The following RPA3 variants were observed in gnomAD, a reference collection of about 807,000 sequenced individuals.
RPA3 encodes the protein replication protein A3.
In RPA3, 24 loss-of-function variants were observed where a neutral mutation model predicts 13.7. The ratio of observed to expected loss-of-function variants is 1.75; its 90% CI spans 1.27 to 2.46. The LOEUF (loss-of-function observed/expected upper bound fraction) is 2.46. RPA3 is among the 30% of genes most tolerant of loss of function. RPA3 has a pLI of 0.00. For missense variants in RPA3, 183 were observed against 151.0 expected, an observed-to-expected ratio of 1.21 and a Z score of -1.11; for synonymous variants, 59 against 51.2, an observed-to-expected ratio of 1.15 and a Z score of -0.65.
rs574433585 is a variant in RPA3, at chr7:7,687,161, A to C, written c.-927+67T>G. On this transcript the variant is annotated intron_variant, in intron 3 of 7. Transcript: ENST00000223129. ...GTAATACAGGTACTGAACTGGAAATAATAGTATTTGGATTCTATTTAAGTT... is the reference window on the plus strand; with the variant it reads ...GTAATACAGGTACTGAACTGGAAATCATAGTATTTGGATTCTATTTAAGTT... 2.0e-5 allele frequency: 3 copies of C among 152,334 alleles called. 1 individual carries two copies. Among genetic ancestry groups the C allele is most frequent in the South Asian group, 2.1e-4 (1 of 4,830 alleles). 9.4% of individuals were successfully genotyped at this position (152,334 alleles called of 1,614,324 possible). A position where few individuals can be genotyped will look rare whatever the true frequency, so the allele number is the denominator to read the frequency against.
rs79552957 is a variant in RPA3, at chr7:7,655,010, C to G, written c.-757-13835G>C. 5.3e-3 allele frequency among the ~76,000 whole-genome samples: 802 copies of G among 151,900 alleles called. 3 individuals carry two copies. Among genetic ancestry groups the G allele is most frequent in the Admixed American group, 7.4e-3 (113 of 15,242 alleles). On this transcript the variant is annotated intron_variant, in intron 4 of 7. Coordinates refer to ENST00000223129, the MANE Select transcript of RPA3 (RefSeq NM_002947.5). ...TGCAGGACCTATGGATCTGGTGGGC[C>G]CACTCTATTCTAGAAAATTAGTAAT... is the stretch of plus-strand genomic sequence containing the variant.
At chr7:7,713,644 G>C (rs1000828973) in intron 2 of RPA3, among the ~76,000 whole-genome samples, 7 of 151,504 alleles carry the variant, frequency 4.6e-5, no homozygotes, top group African/African-American at 1.7e-4. Flanking sequence ...TATTTTGTTA[G>C]TTTCATTTTG....
chr7:7,654,826 CCTGGAGG>C (rs1785303963), intron 4 of RPA3, among the ~76,000 whole-genome samples: 1 of 151,506 alleles, frequency 6.6e-6, no homozygotes, highest in East Asian at 1.9e-4. Flanking sequence ...ATCGCTTGAA[CCTGGAGG>C]CAGAGATTGC....
intron 4 of RPA3, among the ~76,000 whole-genome samples, chr7:7,654,014 G>A (rs540402843): frequency 3.3e-5 from 5 of 152,318 alleles, no homozygotes; most frequent in Non-Finnish European, 5.9e-5. Flanking sequence ...ATTGAGGGGA[G>A]ACTTTATTAT....
intron 3 of RPA3, among the ~76,000 whole-genome samples, 160 bp from the exon 4 acceptor site, chr7:7,686,158 T>C (rs958349154): frequency 2.6e-5 from 4 of 152,192 alleles, no homozygotes; most frequent in African/African-American, 9.7e-5. Context: ...TTTTATAAGG[T>C]ATGGTAGAGG....
chr7:7,660,445 G>A (rs922140593), intron 4 of RPA3, among the ~76,000 whole-genome samples: 1 of 152,170 alleles, frequency 6.6e-6, no homozygotes, highest in Non-Finnish European at 1.5e-5. Context: ...GGTACCTGTT[G>A]TTCCTTTCCA....
chr7:7,718,457 C>A (rs1353208005), intron 1 of RPA3, 58 bp downstream of exon 1: 1 of 152,018 alleles, frequency 6.6e-6, no homozygotes, highest in Admixed American at 6.5e-5. Flanking sequence ...AAAATAATAC[C>A]TTTAAGTTAT....
chr7:7,701,626 G>A (rs1563136302), intron 2 of RPA3, among the ~76,000 whole-genome samples: 1 of 152,136 alleles, frequency 6.6e-6, no homozygotes, highest in Non-Finnish European at 1.5e-5. Context: ...TATGGGTCTT[G>A]CTTATAAGGT....
chr7:7,674,570 C>A (rs1779690691), intron 4 of RPA3, among the ~76,000 whole-genome samples: 1 of 152,134 alleles, frequency 6.6e-6, no homozygotes, highest in Admixed American at 6.6e-5. Flanking sequence ...ATCCCTTATA[C>A]CTGAGGTAAA....
intron 2 of RPA3, among the ~76,000 whole-genome samples, chr7:7,694,985 C>T (rs1780273691): frequency 6.6e-6 from 1 of 152,146 alleles, no homozygotes; most frequent in East Asian, 1.9e-4. Context: ...AGTGGTTGTA[C>T]TAATTTACAT....
intron 2 of RPA3, among the ~76,000 whole-genome samples, chr7:7,699,051 G>T (rs957822): frequency 0.14 from 9,919 of 69,756 alleles, 344 homozygotes; most frequent in Middle Eastern, 0.24. Flanking sequence ...TGTGTGTGTG[G>T]GGGGGGGGTA....
At position 7,637,094 on chromosome 7, in the gene RPA3, A is replaced by G. The variant is rs1255753944; in HGVS notation, c.284-12T>C. On this transcript the variant is annotated splice_polypyrimidine_tract_variant and intron_variant, in intron 7 of 7. Transcript: ENST00000223129. Reference sequence around the variant, plus strand: ...GTAAAGTCCAAGATCTGAAAGAAACATTTAAGCAAACATTTAATCTACAAT... The same window carrying G: ...GTAAAGTCCAAGATCTGAAAGAAACGTTTAAGCAAACATTTAATCTACAAT... The G allele has an allele frequency of 6.4e-7, 1 of 1,553,096 alleles. No homozygotes were observed. The highest frequency in any genetic ancestry group is 2.3e-5 in the East Asian group (1 of 44,438).
intron 2 of RPA3, among the ~76,000 whole-genome samples, chr7:7,708,585 T>TAG (rs1780667617): frequency 6.6e-6 from 1 of 152,170 alleles, no homozygotes; most frequent in Non-Finnish European, 1.5e-5. Flanking sequence ...CCTTTAAAAA[T>TAG]AAGTCAACAT....
At chr7:7,700,920 C>CGT (rs1780445412) in intron 2 of RPA3, among the ~76,000 whole-genome samples, 1 of 151,918 alleles carries the variant, frequency 6.6e-6, no homozygotes, top group Non-Finnish European at 1.5e-5. Flanking sequence ...CATGGTGGTG[C>CGT]ATACCTGTAG....
intron 4 of RPA3, among the ~76,000 whole-genome samples, chr7:7,656,567 T>G (rs980928435): frequency 6.6e-6 from 1 of 151,050 alleles, no homozygotes; most frequent in East Asian, 1.9e-4. Flanking sequence ...ACATGTGGTG[T>G]TTGGTTTTCT....
chr7:7,660,796 G>A (rs1327328323), intron 4 of RPA3, among the ~76,000 whole-genome samples: 3 of 152,082 alleles, frequency 2.0e-5, no homozygotes, highest in African/African-American at 7.2e-5. Flanking sequence ...TGCTCTTATC[G>A]AGGATTATCT....
intron 4 of RPA3, among the ~76,000 whole-genome samples, chr7:7,656,089 C>G (rs1785335362): frequency 6.6e-6 from 1 of 152,126 alleles, no homozygotes; most frequent in Non-Finnish European, 1.5e-5. Context: ...CCTGCCTCTG[C>G]CTCCCAAAGT....
rs1047486878 is a variant in RPA3, at chr7:7,681,867, T to A, written c.-758+3963A>T. Among the ~76,000 whole-genome samples the A allele has an allele frequency of 6.6e-5, 10 of 152,258 alleles. No homozygotes were observed. In the South Asian group the frequency reaches 2.1e-3, roughly 32 times the overall value. On this transcript the variant is annotated intron_variant, in intron 4 of 7. Coordinates refer to ENST00000223129, the MANE Select transcript of RPA3 (RefSeq NM_002947.5). ...TTATTTTAAGTTAGGAAAAGGGATA[T>A]TGCGTAAATGTTAGGATATAATTCC...
Position 7,711,570 on chromosome 7 carries a change from G to T in RPA3, c.-1028+3605C>A, listed in dbSNP as rs576058603. Among the ~76,000 whole-genome samples the T allele has an allele frequency of 6.6e-5, 10 of 152,104 alleles. 1 individual carries two copies. Among genetic ancestry groups the T allele is most frequent in the African/African-American group, 2.4e-4 (10 of 41,520 alleles). ...TCTGTTGGTTAGAAAATGGTATCTT[G>T]TGTTTTTAATTTACATTTTCTTGTT... On this transcript the variant is annotated intron_variant, in intron 2 of 7. Transcript: ENST00000223129.
Sources: gnomAD v4.1 joint callset for allele counts (sites outside exome capture counted in the v4.1 genomes callset) on GRCh38, gnomAD v4.1.1 for gene constraint, MANE v1.5 for transcripts, NCBI Gene and HGNC (gene_info 2026-07-23, HGNC 2026-07-21) for gene names.